The following SCAPER variants were observed in gnomAD, a reference collection of about 807,000 sequenced individuals.
SCAPER encodes the protein S-phase cyclin A associated protein in the ER.
SCAPER carries 98 observed loss-of-function variants against 182.2 expected under a neutral mutation model. The observed-to-expected ratio is 0.54, with a 90% CI of 0.46 to 0.64. SCAPER has a LOEUF of 0.64. Ranked by LOEUF, SCAPER falls within the 30% of genes least tolerant of loss-of-function variation. The pLI, the probability that SCAPER is intolerant of heterozygous loss-of-function variation, is 0.00. For synonymous variants in SCAPER, 605 were observed against 564.6 expected, an observed-to-expected ratio of 1.07 and a Z score of -1.01; for missense variants, 1,432 against 1,690.0, an observed-to-expected ratio of 0.85 and a Z score of 2.68.
chr15:76,371,147 A>T (rs889653321), intron 29 of SCAPER, among the ~76,000 whole-genome samples: 1 of 152,152 alleles, frequency 6.6e-6, no homozygotes. Context: ...CAGGGAGCTT[A>T]CTTTATCTTT....
At chr15:76,648,502 T>C (rs1271934920) in intron 21 of SCAPER, among the ~76,000 whole-genome samples, 1 of 151,982 alleles carries the variant, frequency 6.6e-6, no homozygotes, top group Non-Finnish European at 1.5e-5. Flanking sequence ...AAATTTGGGG[T>C]AAAATATAAA....
chr15:76,415,081 A>G (rs2045560274), intron 26 of SCAPER, among the ~76,000 whole-genome samples: 1 of 152,218 alleles, frequency 6.6e-6, no homozygotes, highest in Non-Finnish European at 1.5e-5. Flanking sequence ...TGTAATGAAG[A>G]CGACAAAAAC....
intron 10 of SCAPER, among the ~76,000 whole-genome samples, chr15:76,770,997 A>C (rs902676562): frequency 2.0e-5 from 3 of 152,108 alleles, no homozygotes; most frequent in Admixed American, 1.3e-4. Context: ...AATTTTACCT[A>C]ATACCATGTG....
chr15:76,545,367 C>T (rs561939247), intron 23 of SCAPER, among the ~76,000 whole-genome samples: 3 of 152,154 alleles, frequency 2.0e-5, no homozygotes, highest in East Asian at 3.9e-4. Flanking sequence ...TGCCCAATGA[C>T]GCTGGTTCAT....
At chr15:76,480,733 TCTA>T (rs1322207602) in intron 24 of SCAPER, among the ~76,000 whole-genome samples, 2 of 152,194 alleles carry the variant, frequency 1.3e-5, no homozygotes, top group Admixed American at 6.5e-5. Context: ...TCTCCACTAT[TCTA>T]CTTTTTTTTT....
At chr15:76,686,074 TTTGA>T (rs1219796757) in intron 20 of SCAPER, among the ~76,000 whole-genome samples, 3 of 152,030 alleles carry the variant, frequency 2.0e-5, no homozygotes, top group Non-Finnish European at 2.9e-5. Flanking sequence ...TATTGATAAA[TTTGA>T]TTGTTGAAAT....
intron 5 of SCAPER, among the ~76,000 whole-genome samples, chr15:76,817,366 G>GTTTATAGAATA (rs886196476): frequency 1.3e-5 from 2 of 152,024 alleles, no homozygotes; most frequent in Non-Finnish European, 2.9e-5. Context: ...TCTAAACAAA[G>GTTTATAGAATA]TCGAATACGT....
intron 22 of SCAPER, among the ~76,000 whole-genome samples, chr15:76,602,796 G>T (rs1286010608): frequency 5.1e-5 from 6 of 118,652 alleles, no homozygotes; most frequent in African/African-American, 1.5e-4. Flanking sequence ...TTCAATTTTG[G>T]AAGTTACTAT....
chr15:76,490,985 A>G (rs1387263117), intron 24 of SCAPER, among the ~76,000 whole-genome samples: 1 of 152,018 alleles, frequency 6.6e-6, no homozygotes, highest in East Asian at 1.9e-4. Flanking sequence ...CTCCCTTTAA[A>G]CCCAATTAAG....
At chr15:76,820,931 T>C (rs147506256) in intron 5 of SCAPER, among the ~76,000 whole-genome samples, 1 of 152,270 alleles carries the variant, frequency 6.6e-6, no homozygotes, top group East Asian at 1.9e-4. Context: ...TGAGATATTA[T>C]TACACTCCTA....
chr15:76,436,489 C>G (rs284887), intron 25 of SCAPER, among the ~76,000 whole-genome samples: 149,001 of 152,248 alleles, frequency 0.98, 72,990 homozygotes, highest in East Asian at 1. Flanking sequence ...GGTCCTATTA[C>G]TTTTTTTGTT....
At chr15:76,454,010 G>A (rs755909003) in intron 25 of SCAPER, among the ~76,000 whole-genome samples, 50 of 152,156 alleles carry the variant, frequency 3.3e-4, no homozygotes, top group Non-Finnish European at 1.2e-4. Context: ...AGACAAGCAA[G>A]CATCTGTAGG....
At chr15:76,523,372 T>C (rs494268) in intron 23 of SCAPER, among the ~76,000 whole-genome samples, 15,380 of 152,098 alleles carry the variant, frequency 0.1, 921 homozygotes, top group African/African-American at 0.17. Context: ...ATTTCCAATA[T>C]TGTGACCACA....
rs2053258035 is a variant in SCAPER, at chr15:76,632,980, GGCC to G, written c.2646-11154_2646-11152del. 2.0e-5 allele frequency among the ~76,000 whole-genome samples: 3 copies of G among 151,746 alleles called. No homozygotes were observed. In the South Asian group the frequency reaches 6.2e-4, roughly 32 times the overall value. ...AATAGAGACAGGGTTTCACCATATT[GGCC>G]AGGCTGGTCTCGAACTCCTGACCGC... On this transcript the variant is annotated intron_variant, in intron 21 of 31. Transcript: ENST00000563290.
chr15:76,806,381 A>T (rs958713993), intron 5 of SCAPER, among the ~76,000 whole-genome samples: 1 of 152,196 alleles, frequency 6.6e-6, no homozygotes, highest in Non-Finnish European at 1.5e-5. Flanking sequence ...AGGATTTCAA[A>T]TCTATTTCAT....
intron 23 of SCAPER, among the ~76,000 whole-genome samples, chr15:76,545,261 T>C (rs2045165118): frequency 6.6e-6 from 1 of 152,174 alleles, no homozygotes. Flanking sequence ...TGTGTTCTTT[T>C]GACAAGAACT....
intron 22 of SCAPER, among the ~76,000 whole-genome samples, chr15:76,597,206 T>G (rs11854128): frequency 8.2e-6 from 1 of 121,722 alleles, no homozygotes; most frequent in Non-Finnish European, 2.0e-5. Flanking sequence ...CCATTCACAA[T>G]TGCTACAAAG....
chr15:76,528,604 C>T (rs1011060410), intron 23 of SCAPER, among the ~76,000 whole-genome samples: 2 of 152,228 alleles, frequency 1.3e-5, no homozygotes, highest in Non-Finnish European at 2.9e-5. Context: ...TCTCCAGGTT[C>T]AAACAATCCC....
chr15:76,762,367 C>CTTTT (rs58117069), intron 14 of SCAPER, among the ~76,000 whole-genome samples: 1 of 131,702 alleles, frequency 7.6e-6, no homozygotes, highest in African/African-American at 2.8e-5. Flanking sequence ...TGATTGTGGG[C>CTTTT]TTTTTTTTTT....
Sources: gnomAD v4.1 joint callset for allele counts (sites outside exome capture counted in the v4.1 genomes callset) on GRCh38, gnomAD v4.1.1 for gene constraint, MANE v1.5 for transcripts, NCBI Gene and HGNC (gene_info 2026-07-23, HGNC 2026-07-21) for gene names.